EXOC2: variants seen among roughly 807,000 people sequenced by gnomAD.
EXOC2 encodes the protein exocyst complex component 2.
In EXOC2, 70 loss-of-function variants were observed where a neutral mutation model predicts 131.8. The observed-to-expected ratio is 0.53, with a 90% CI of 0.44 to 0.65. The LOEUF is 0.65. Ranked by LOEUF, EXOC2 falls within the 30% of genes least tolerant of loss-of-function variation. The pLI is 0.00. For synonymous variants in EXOC2, 411 were observed against 398.4 expected, an observed-to-expected ratio of 1.03 and a Z score of -0.38; for missense variants, 923 against 1,108.6, an observed-to-expected ratio of 0.83 and a Z score of 2.38.
At chr6:677,934 TCACACACACA>T (rs1554150218) in intron 1 of EXOC2, among the ~76,000 whole-genome samples, 1 of 147,204 alleles carries the variant, frequency 6.8e-6, no homozygotes, top group Non-Finnish European at 1.5e-5. Flanking sequence ...TTATAATCTC[TCACACACACA>T]CACACACACA....
At chr6:497,252 C>T in intron 25 of EXOC2, 115 bp downstream of exon 25, 1 of 885,584 alleles carries the variant, frequency 1.1e-6, no homozygotes, top group Non-Finnish European at 1.7e-6. Context: ...TGAACTTCTT[C>T]AATCAGTAGA....
intron 22 of EXOC2, among the ~76,000 whole-genome samples, chr6:533,625 A>C (rs372749188): frequency 6.6e-6 from 1 of 152,192 alleles, no homozygotes; most frequent in African/African-American, 2.4e-5. Flanking sequence ...GAGTGGGAGC[A>C]GAAGAGGGTA....
chr6:630,999 A>C (rs370938603), intron 3 of EXOC2, among the ~76,000 whole-genome samples: 7 of 152,222 alleles, frequency 4.6e-5, no homozygotes, highest in Admixed American at 2.0e-4. Context: ...CACAGGGCTT[A>C]CCAGCTAGGC....
At chr6:612,439 C>A (rs1452261545) in intron 6 of EXOC2, among the ~76,000 whole-genome samples, 2 of 152,184 alleles carry the variant, frequency 1.3e-5, no homozygotes, top group African/African-American at 2.4e-5. Context: ...CATTTAGTTT[C>A]TATTTCTTAT....
At chr6:559,413 G>A (rs17754727) in intron 17 of EXOC2, among the ~76,000 whole-genome samples, 8,182 of 152,178 alleles carry the variant, frequency 0.054, 304 homozygotes, top group Non-Finnish European at 0.078. Flanking sequence ...AGAGGTCCAC[G>A]CGGAATAGCT....
intron 1 of EXOC2, among the ~76,000 whole-genome samples, chr6:676,216 G>A (rs201522545): frequency 4.9e-4 from 23 of 47,342 alleles, no homozygotes; most frequent in Non-Finnish European, 5.4e-4. Flanking sequence ...TCAACATTAC[G>A]GAAAGGACAG....
chr6:536,023 A>T (rs375625474), intron 22 of EXOC2, among the ~76,000 whole-genome samples: 1 of 152,196 alleles, frequency 6.6e-6, no homozygotes, highest in Non-Finnish European at 1.5e-5. Context: ...TTCTCAGTAA[A>T]CTAAGACTAG....
At chr6:592,832 C>G (rs961314547) in intron 10 of EXOC2, among the ~76,000 whole-genome samples, 11 of 152,008 alleles carry the variant, frequency 7.2e-5, no homozygotes, top group South Asian at 2.1e-4. Context: ...TCAAGACCAG[C>G]CTGGCCAACG....
chr6:652,791 TAC>T (rs1421442090), intron 1 of EXOC2, among the ~76,000 whole-genome samples: 1 of 152,188 alleles, frequency 6.6e-6, no homozygotes, highest in Non-Finnish European at 1.5e-5. Context: ...TGAACTTGAC[TAC>T]AGTTTACCTC....
intron 1 of EXOC2, chr6:656,203 T>C (rs1423699694): frequency 2.5e-6 from 4 of 1,614,206 alleles, no homozygotes; most frequent in South Asian, 1.1e-5. Context: ...AGGGCCGTCG[T>C]AGGATGTATT....
chr6:556,407 G>T (rs897134429), intron 18 of EXOC2, 77 bp downstream of exon 18: 14 of 1,424,518 alleles, frequency 9.8e-6, no homozygotes, highest in Non-Finnish European at 1.4e-5. Flanking sequence ...CTTGCAGTAC[G>T]ATGAGTCAAA....
intron 1 of EXOC2, chr6:679,443 G>A (rs906635496): frequency 6.6e-6 from 1 of 152,162 alleles, no homozygotes; most frequent in African/African-American, 2.4e-5. Context: ...GATCTCGAAG[G>A]CTCATAGTTG....
At chr6:673,139 G>A (rs2127780298) in intron 1 of EXOC2, among the ~76,000 whole-genome samples, 1 of 151,644 alleles carries the variant, frequency 6.6e-6, no homozygotes, top group African/African-American at 2.4e-5. Context: ...GCGGGCACCT[G>A]GGATACCGGC....
intron 1 of EXOC2, among the ~76,000 whole-genome samples, chr6:663,770 CAT>C (rs1165015783): frequency 3.9e-5 from 6 of 152,158 alleles, no homozygotes; most frequent in African/African-American, 1.4e-4. Flanking sequence ...GCAAAACTGA[CAT>C]ACAAGAGACA....
chr6:555,854 C>T (rs1253467321), intron 19 of EXOC2, 100 bp downstream of exon 19: 6 of 1,161,844 alleles, frequency 5.2e-6, no homozygotes, highest in African/African-American at 4.6e-5. Flanking sequence ...AAAAAGAATA[C>T]CTATTTGGTG....
chr6:641,641 C>T (rs1161191650), intron 1 of EXOC2, among the ~76,000 whole-genome samples: 2 of 152,138 alleles, frequency 1.3e-5, no homozygotes, highest in East Asian at 3.9e-4. Flanking sequence ...ATCCAATAAA[C>T]CCAATGAGAC....
chr6:637,927 A>C, intron 1 of EXOC2, 66 bp from the exon 2 acceptor site: 3 of 1,025,108 alleles, frequency 2.9e-6, no homozygotes, highest in Non-Finnish European at 4.4e-6. Context: ...AAATATAAGA[A>C]TGCTAGACAG....
At chr6:587,455 A>G (rs1033095748) in intron 11 of EXOC2, among the ~76,000 whole-genome samples, 1 of 152,198 alleles carries the variant, frequency 6.6e-6, no homozygotes. Context: ...TGTGTTAGCC[A>G]GGATGGTCTC....
At chr6:557,752 G>A (rs568349435) in intron 17 of EXOC2, among the ~76,000 whole-genome samples, 1 of 152,204 alleles carries the variant, frequency 6.6e-6, no homozygotes, top group African/African-American at 2.4e-5. Context: ...GGGGAAGAGG[G>A]ACCAGCCCTT....
Sources: allele counts gnomAD v4.1 joint callset (sites outside exome capture counted in the v4.1 genomes callset), GRCh38; gene constraint gnomAD v4.1.1; transcripts MANE v1.5; gene names NCBI Gene and HGNC (gene_info 2026-07-23, HGNC 2026-07-21).